The following LINGO2 variants were observed in gnomAD, a reference collection of about 807,000 sequenced individuals.
The protein encoded by LINGO2 is leucine rich repeat and Ig domain containing 2, also known as leucine-rich repeat and immunoglobulin-like domain-containing nogo receptor-interacting protein 2.
LINGO2 carries 14 observed loss-of-function variants against 30.6 expected under a neutral mutation model. That is an observed-to-expected ratio of 0.46 (90% CI 0.30 to 0.72). The LOEUF is 0.72. LINGO2 is among the 30% of genes least tolerant of loss of function. The pLI is 0.07. For synonymous variants in LINGO2, 317 were observed against 288.5 expected (o/e 1.10, Z -1.00); for missense variants, 729 against 751.7 (o/e 0.97, Z 0.35).
chr9:28,031,775 G>A (rs1823686113), intron 4 of LINGO2, among the ~76,000 whole-genome samples: 3 of 152,330 alleles, frequency 2.0e-5, no homozygotes, highest in Admixed American at 6.5e-5. Context: ...ATGGCAGCAA[G>A]CTGTCCAGAA....
chr9:28,611,412 C>A (rs1486284338), intron 1 of LINGO2, among the ~76,000 whole-genome samples: 2 of 151,834 alleles, frequency 1.3e-5, no homozygotes, highest in African/African-American at 4.8e-5. Context: ...CATCTACTCT[C>A]TCAGCATATT....
At chr9:28,481,599 A>C (rs1190304188) in intron 1 of LINGO2, among the ~76,000 whole-genome samples, 1 of 151,600 alleles carries the variant, frequency 6.6e-6, no homozygotes, top group Non-Finnish European at 1.5e-5. Flanking sequence ...TCCTCTGTGT[A>C]AGTTTTATTT....
At chr9:28,478,675 C>T (rs1243292192) in intron 1 of LINGO2, among the ~76,000 whole-genome samples, 1 of 152,112 alleles carries the variant, frequency 6.6e-6, no homozygotes, top group East Asian at 1.9e-4. Flanking sequence ...TTTTCCTCTT[C>T]AGACAAATGC....
the LINGO2 span, among the ~76,000 whole-genome samples, chr9:29,032,197 T>G: frequency 6.6e-6 from 1 of 152,196 alleles, no homozygotes; most frequent in Non-Finnish European, 1.5e-5. Flanking sequence ...GCATATTCAG[T>G]GGCTTATTTA....
chr9:28,770,364 A>G, the LINGO2 span, among the ~76,000 whole-genome samples: 68,401 of 151,910 alleles, frequency 0.45, 17,415 homozygotes, highest in South Asian at 0.58. Context: ...AGTCTCCCCA[A>G]TGGTTTTCTC....
At chr9:28,054,713 T>G (rs188274693) in intron 4 of LINGO2, among the ~76,000 whole-genome samples, 1 of 152,208 alleles carries the variant, frequency 6.6e-6, no homozygotes, top group African/African-American at 2.4e-5. Flanking sequence ...TAAATAAGTT[T>G]AAGTTAAAAA....
chr9:28,970,890 G>A, the LINGO2 span, among the ~76,000 whole-genome samples: 1 of 152,156 alleles, frequency 6.6e-6, no homozygotes, highest in African/African-American at 2.4e-5. Context: ...ACCTATTGAG[G>A]CAACAGCCAG....
At chr9:28,164,316 G>A (rs1255209768) in intron 4 of LINGO2, among the ~76,000 whole-genome samples, 1 of 152,128 alleles carries the variant, frequency 6.6e-6, no homozygotes, top group Non-Finnish European at 1.5e-5. Flanking sequence ...AATATAAGAT[G>A]ATTATAACAA....
rs1827313101 is a variant in LINGO2, at chr9:28,129,007, C to T, written c.-86-116602G>A. ...GCTGAGTCTTCTGGCCTTCATCTTT[C>T]TCCCATGCTCTATGCTTCCTGGCCT... On this transcript the variant is annotated intron_variant, in intron 4 of 5. Coordinates refer to ENST00000379992, the Ensembl canonical transcript of LINGO2. The surrounding 1 kb of genome is among the most constrained non-coding windows in gnomAD (Gnocchi z 4.0). Among the ~76,000 whole-genome samples, 1 of 152,182 alleles carries T rather than the reference C, an allele frequency of 6.6e-6. No individual in the cohort carries two copies. Among genetic ancestry groups the T allele is most frequent in the African/African-American group, 2.4e-5 (1 of 41,448 alleles).
Position 28,278,399 on chromosome 9 carries a change from CTA to C in LINGO2, c.-87+16807_-87+16808del, listed in dbSNP as rs1370531368. Among the ~76,000 whole-genome samples, 3 of 152,252 alleles carry C rather than the reference CTA, an allele frequency of 2.0e-5. No homozygotes were observed. In the East Asian group the frequency reaches 5.8e-4, roughly 29 times the overall value. ...AAGGTGCCATCTAGGATTTTCATAG[CTA>C]GAGAGGAATGTCTGGCTACAAAGCC... On this transcript the variant is annotated intron_variant, in intron 4 of 5. Coordinates refer to ENST00000379992, the Ensembl canonical transcript of LINGO2.
At chr9:28,308,463 A>G (rs201901676) in intron 3 of LINGO2, among the ~76,000 whole-genome samples, 1 of 145,046 alleles carries the variant, frequency 6.9e-6, no homozygotes. Flanking sequence ...TGTTAGACCT[A>G]AAACCATAAA....
chr9:28,508,608 C>A (rs1276206752), intron 1 of LINGO2, among the ~76,000 whole-genome samples: 1 of 151,854 alleles, frequency 6.6e-6, no homozygotes, highest in Non-Finnish European at 1.5e-5. Context: ...CTTTTGTTAA[C>A]CCCCCAATTT....
At chr9:28,574,527 A>G (rs1215377335) in intron 1 of LINGO2, among the ~76,000 whole-genome samples, 1 of 152,194 alleles carries the variant, frequency 6.6e-6, no homozygotes, top group Non-Finnish European at 1.5e-5. Flanking sequence ...TTTTTAGTAC[A>G]TAGTTATTGA....
intron 2 of LINGO2, among the ~76,000 whole-genome samples, chr9:28,434,051 A>C (rs543186793): frequency 7.3e-5 from 11 of 151,486 alleles, no homozygotes; most frequent in South Asian, 4.2e-4. Flanking sequence ...CTTTTGTAGC[A>C]ACTTGGATGG....
chr9:28,698,409 G>A, the LINGO2 span, among the ~76,000 whole-genome samples: 2 of 152,008 alleles, frequency 1.3e-5, no homozygotes, highest in African/African-American at 4.8e-5. Flanking sequence ...TTGTATCAAT[G>A]TTTAATATTA....
At chr9:28,615,981 G>A (rs767116927) in intron 1 of LINGO2, among the ~76,000 whole-genome samples, 3 of 152,140 alleles carry the variant, frequency 2.0e-5, no homozygotes, top group Admixed American at 6.5e-5. Flanking sequence ...GTTGTCAGGA[G>A]TCAAAATAGT....
chr9:28,546,074 G>A (rs368629677), intron 1 of LINGO2, among the ~76,000 whole-genome samples: 260 of 151,956 alleles, frequency 1.7e-3, no homozygotes, highest in African/African-American at 6.0e-3. Flanking sequence ...ACTTATATGT[G>A]GACTCTAAAG....
chr9:29,075,223 C>T, the LINGO2 span, among the ~76,000 whole-genome samples: 8 of 152,072 alleles, frequency 5.3e-5, no homozygotes, highest in Admixed American at 3.3e-4. Context: ...CTCAAAAGTA[C>T]GTCCAAAAAT....
intron 4 of LINGO2, among the ~76,000 whole-genome samples, chr9:28,051,533 C>T (rs1398242540): frequency 6.6e-6 from 1 of 152,060 alleles, no homozygotes; most frequent in Non-Finnish European, 1.5e-5. Flanking sequence ...GCACTGGAGA[C>T]ACAGCAGGGA....
Sources: allele counts gnomAD v4.1 joint callset (sites outside exome capture counted in the v4.1 genomes callset), GRCh38; gene constraint gnomAD v4.1.1; non-coding constraint Gnocchi (gnomAD v3.1); transcripts MANE v1.5; gene names NCBI Gene and HGNC (gene_info 2026-07-23, HGNC 2026-07-21).